The following CENPC variants were observed in gnomAD, a reference collection of about 807,000 sequenced individuals.
CENPC encodes the protein centromere protein C, also known as CENP-C 1.
In CENPC, 63 loss-of-function variants were observed where a neutral mutation model predicts 112.1. The ratio of observed to expected loss-of-function variants is 0.56; its 90% CI spans 0.46 to 0.69. The LOEUF is 0.69. CENPC is among the 30% of genes least tolerant of loss of function. The pLI is 0.00. For missense variants in CENPC, 1,000 were observed against 1,103.8 expected, an observed-to-expected ratio of 0.91 and a Z score of 1.33; for synonymous variants, 333 against 367.6, an observed-to-expected ratio of 0.91 and a Z score of 1.08.
Position 67,474,653 on chromosome 4 carries a change from G to A in CENPC, c.2761+235C>T, listed in dbSNP as rs375139725. 1.1e-4 allele frequency: 45 copies of A among 402,528 alleles called. 1 individual carries two copies. The highest frequency in any genetic ancestry group is 4.2e-4 in the Admixed American group (9 of 21,562). The allele number at this position is 402,528 out of a possible 1,614,324, so 24.9% of individuals were successfully genotyped here. A position where few individuals can be genotyped will look rare whatever the true frequency, so the allele number is the denominator to read the frequency against. ...GTGGAGGCTACAGTGAGCTGAGATC[G>A]TGCCACTGCACTCCAGCCTGGGTGA... On this transcript the variant is annotated intron_variant, in intron 18 of 18. Coordinates refer to ENST00000273853, the MANE Select transcript of CENPC (RefSeq NM_001812.4).
At chr4:67,516,928 C>T (rs1255206402) in intron 7 of CENPC, among the ~76,000 whole-genome samples, 1 of 151,846 alleles carries the variant, frequency 6.6e-6, no homozygotes, top group African/African-American at 2.4e-5. Flanking sequence ...TATTTGACTA[C>T]AACAATTAAA....
In CENPC at chr4:67,503,421, C is replaced by T. The variant is rs73829207; in HGVS notation, c.2131+1784G>A. Among the ~76,000 whole-genome samples, 579 of 152,218 alleles carry T rather than the reference C, an allele frequency of 3.8e-3. 3 individuals carry two copies. Among genetic ancestry groups the T allele is most frequent in the African/African-American group, 0.013 (559 of 41,526 alleles). On this transcript the variant is annotated intron_variant, in intron 12 of 18. Transcript: ENST00000273853. ...CCCATCTACCTAAAAATGTAAACTTCATTTCCCACCCTAAAAGCCATGCTT... is the reference window on the plus strand; with the variant it reads ...CCCATCTACCTAAAAATGTAAACTTTATTTCCCACCCTAAAAGCCATGCTT...
intron 5 of CENPC, among the ~76,000 whole-genome samples, chr4:67,530,071 C>T (rs7684492): frequency 0.24 from 35,921 of 151,928 alleles, 4,574 homozygotes; most frequent in Non-Finnish European, 0.29. Context: ...TACCGAAACA[C>T]ATTCCAGATG....
intron 4 of CENPC, among the ~76,000 whole-genome samples, chr4:67,535,045 A>T (rs939192737): frequency 2.0e-5 from 3 of 152,304 alleles, no homozygotes; most frequent in South Asian, 4.1e-4. Context: ...GGATCATGGA[A>T]TCACAACAGT....
At chr4:67,474,613 G>A (rs968345302) in intron 18 of CENPC, 3 of 322,974 alleles carry the variant, frequency 9.3e-6, no homozygotes, top group East Asian at 9.6e-5. Context: ...CACAAGAATC[G>A]CTTGAACCCA....
At chr4:67,498,734 T>C (rs926805515) in intron 12 of CENPC, among the ~76,000 whole-genome samples, 1 of 152,194 alleles carries the variant, frequency 6.6e-6, no homozygotes, top group Non-Finnish European at 1.5e-5. Context: ...ACTTCCTCCA[T>C]TGAAGTCTTG....
At chr4:67,505,066 T>A (rs1044740667) in intron 12 of CENPC, 139 bp downstream of exon 12, 9 of 639,172 alleles carry the variant, frequency 1.4e-5, no homozygotes, top group Non-Finnish European at 2.2e-5. Flanking sequence ...AGGGTCTTAT[T>A]AATCTCTAAC....
In CENPC at chr4:67,476,711, T is replaced by TA. The variant is rs371560800; in HGVS notation, c.2671-1734dup. Among the ~76,000 whole-genome samples, 999 of 152,290 alleles carry TA rather than the reference T, an allele frequency of 6.6e-3. 15 individuals are homozygous for TA. The highest frequency in any genetic ancestry group is 0.022 in the African/African-American group (928 of 41,564). On this transcript the variant is annotated intron_variant, in intron 17 of 18. Coordinates refer to ENST00000273853, the MANE Select transcript of CENPC (RefSeq NM_001812.4). ...TAGGAAGTTCAGATACAAGCCAGGG[T>TA]AGGCAGCAAGGGGCAGGGCCTGAAA...
chr4:67,509,237 C>T (rs1475029495), intron 9 of CENPC, 132 bp from the exon 10 acceptor site: 8 of 600,102 alleles, frequency 1.3e-5, no homozygotes, highest in African/African-American at 1.1e-4. Context: ...CACACACACA[C>T]ACACACACAC....
intron 16 of CENPC, among the ~76,000 whole-genome samples, chr4:67,491,480 T>TATATAGAGAGAG (rs1725270093): frequency 5.0e-4 from 9 of 18,102 alleles, no homozygotes; most frequent in Non-Finnish European, 8.3e-4. Context: ...TATATATATA[T>TATATAGAGAGAG]AGAGAGAGAG....
chr4:67,499,667 T>A (rs2109786826), intron 12 of CENPC, among the ~76,000 whole-genome samples: 1 of 152,314 alleles, frequency 6.6e-6, no homozygotes, highest in South Asian at 2.1e-4. Flanking sequence ...AGTTTCCCTT[T>A]CTTATCATTC....
At chr4:67,497,063 T>C (rs991255979) in intron 12 of CENPC, among the ~76,000 whole-genome samples, 3 of 152,080 alleles carry the variant, frequency 2.0e-5, no homozygotes, top group Non-Finnish European at 1.5e-5. Flanking sequence ...GTCAGGTTTC[T>C]CACTATTTGA....
At position 67,530,887 on chromosome 4, in the gene CENPC, G is replaced by T. The variant is rs1726529974; in HGVS notation, c.259C>A (p.Pro87Thr). Residue 87 changes from proline to threonine, a missense_variant, in exon 5 of 19, where the codon CCA becomes ACA. By Grantham distance (38) the Pro-to-Thr change is conservative (BLOSUM62 -1). Transcript: ENST00000273853. ...ECQKSHPKSV[P>T]VSSKKKEASL... ...GCTTCTTTCTTCTTTGAAGAAACTG[G>T]AACTGACTTTGGATGTGATTTCTGG... 1.2e-6 allele frequency: 2 copies of T among 1,602,088 alleles called. No individual in the cohort carries two copies. Among genetic ancestry groups the T allele is most frequent in the East Asian group, 2.3e-5 (1 of 44,274 alleles).
At chr4:67,498,480 C>G (rs967832465) in intron 12 of CENPC, among the ~76,000 whole-genome samples, 6 of 152,206 alleles carry the variant, frequency 3.9e-5, no homozygotes, top group Non-Finnish European at 7.3e-5. Context: ...TCAATCCTCT[C>G]AAACTCTGTC....
chr4:67,506,043 C>A (rs555582871), intron 11 of CENPC, among the ~76,000 whole-genome samples: 50 of 152,208 alleles, frequency 3.3e-4, no homozygotes, highest in African/African-American at 1.1e-3. Context: ...CTATTATGAA[C>A]CCAGGATAAG....
intron 17 of CENPC, among the ~76,000 whole-genome samples, chr4:67,475,220 G>T (rs953080182): frequency 6.6e-6 from 1 of 152,220 alleles, no homozygotes; most frequent in Non-Finnish European, 1.5e-5. Flanking sequence ...ACTTTCTCCT[G>T]CTGGAAGCAG....
In CENPC at chr4:67,471,266, G is replaced by C. The variant is rs1211282309; in HGVS notation, c.*1339C>G. On this transcript the variant is annotated 3_prime_UTR_variant, in exon 19 of 19. Coordinates refer to ENST00000273853, the MANE Select transcript of CENPC (RefSeq NM_001812.4). ...AGCAATAACTTCACATCATATATAA[G>C]ATAGATTCCACAATTTGAGTCCAGT... 3 of 152,104 alleles carry C rather than the reference G, an allele frequency of 2.0e-5. No individual in the cohort carries two copies. The highest frequency in any genetic ancestry group is 7.2e-5 in the African/African-American group (3 of 41,418). The allele number at this position is 152,104 out of a possible 1,614,324, so 9.4% of individuals were successfully genotyped here.
chr4:67,511,289 A>G (rs891719416), intron 9 of CENPC, among the ~76,000 whole-genome samples: 1 of 152,146 alleles, frequency 6.6e-6, no homozygotes, highest in African/African-American at 2.4e-5. Context: ...TGATTTAATA[A>G]TTCATAGCAA....
chr4:67,476,710 G>A (rs1209027396), intron 17 of CENPC, among the ~76,000 whole-genome samples: 1 of 152,120 alleles, frequency 6.6e-6, no homozygotes, highest in Non-Finnish European at 1.5e-5. Context: ...ACAAGCCAGG[G>A]TAGGCAGCAA....
Sources: allele counts gnomAD v4.1 joint callset (sites outside exome capture counted in the v4.1 genomes callset), GRCh38; gene constraint gnomAD v4.1.1; transcripts MANE v1.5; gene names NCBI Gene and HGNC (gene_info 2026-07-23, HGNC 2026-07-21).